CPNE1: variants seen among roughly 807,000 people sequenced by gnomAD.
CPNE1 encodes the protein copine-1.
A neutral mutation model predicts 63.2 loss-of-function variants in CPNE1; 58 were observed. The observed-to-expected ratio is 0.92, with a 90% CI of 0.74 to 1.14. The LOEUF (loss-of-function observed/expected upper bound fraction) is 1.14, where lower values mean the gene tolerates loss of function less well. CPNE1 is among the 50% of genes most tolerant of loss of function. The pLI is 0.00. For missense variants in CPNE1, 672 were observed against 661.7 expected, an observed-to-expected ratio of 1.02 and a Z score of -0.17; for synonymous variants, 237 against 249.0, an observed-to-expected ratio of 0.95 and a Z score of 0.45.
intron 1 of CPNE1, chr20:35,647,489 T>C (rs1044510092): frequency 1.3e-5 from 2 of 151,846 alleles, no homozygotes; most frequent in African/African-American, 4.8e-5. Context: ...TTCAAGGGAT[T>C]TGGTTGTGAT....
intron 1 of CPNE1, among the ~76,000 whole-genome samples, chr20:35,638,161 A>G (rs2032595247): frequency 6.6e-6 from 1 of 152,192 alleles, no homozygotes; most frequent in African/African-American, 2.4e-5. Flanking sequence ...CTTAGTATAT[A>G]GCTGGTACTA....
intron 1 of CPNE1, among the ~76,000 whole-genome samples, chr20:35,659,803 A>G (rs180702569): frequency 3.3e-5 from 5 of 152,370 alleles, no homozygotes; most frequent in Admixed American, 3.3e-4. Context: ...TCACAAGCAT[A>G]TATGACCAAA....
At chr20:35,630,665 A>C in intron 12 of CPNE1, 76 bp downstream of exon 12, 11 of 1,553,452 alleles carry the variant, frequency 7.1e-6, no homozygotes, top group Non-Finnish European at 9.8e-6. Flanking sequence ...GCCAAGTAGC[A>C]AGTAAATTTA....
chr20:35,654,631 G>A, intron 1 of CPNE1: 1 of 1,614,204 alleles, frequency 6.2e-7, no homozygotes, highest in Non-Finnish European at 8.5e-7. Context: ...GGGTGGCACA[G>A]AAGGAACTGG....
chr20:35,626,247 C>T lies in CPNE1; in HGVS notation c.1608G>A (p.Gln536=). The T allele has an allele frequency of 1.9e-6, 3 of 1,614,130 alleles. No individual in the cohort carries two copies. The highest frequency in any genetic ancestry group is 2.5e-6 in the Non-Finnish European group (3 of 1,180,014). Reference sequence around the variant, plus strand: ...CCACAGCCTCCAAGGGAACCTAGGCCTGGGGGGCCTGTGCAGGATCCTTGG... The same window carrying T: ...CCACAGCCTCCAAGGGAACCTAGGCTTGGGGGGCCTGTGCAGGATCCTTGG... ...PSAKDPAQAP[Q]A is the part of the protein sequence containing the mutation. The change falls in exon 16 of 16, where the codon CAG becomes CAA. Residue 536 remains glutamine, a synonymous_variant. Transcript: ENST00000397443.
At position 35,632,065 on chromosome 20, in the gene CPNE1, A is replaced by C. The variant is rs61191623; in HGVS notation, c.457-40T>G. On this transcript the variant is annotated intron_variant, in intron 5 of 15. Transcript: ENST00000397443. The stretch of plus-strand genomic sequence containing the variant: ...CCCCAGTTACAAGACTCAGGAACAA[A>C]CAACCATTATGCCATCCCTCTGTCC... 217,656 of 1,608,516 alleles carry C rather than the reference A, an allele frequency of 0.14. 15,218 individuals carry two copies. Among genetic ancestry groups the C allele is most frequent in the Middle Eastern group, 0.2 (1,220 of 6,054 alleles).
chr20:35,656,334 C>T (rs2033894989), intron 1 of CPNE1, among the ~76,000 whole-genome samples: 1 of 152,172 alleles, frequency 6.6e-6, no homozygotes, highest in East Asian at 1.9e-4. Context: ...TTAGATCATG[C>T]CTGTTTTGAC....
rs377481427 is a variant in CPNE1, at chr20:35,631,518, T to C, written c.688A>G (p.Ser230Gly). 1 of 1,613,962 alleles carries C rather than the reference T, an allele frequency of 6.2e-7. No individual in the cohort carries two copies. Among genetic ancestry groups the C allele is most frequent in the African/African-American group, 1.3e-5 (1 of 74,878 alleles). ...GGGACTGCCTGCAGCTGGGCCAAGC[T>C]GGTGTGGAAGGTACCGATGAGATCA... is the stretch of plus-strand genomic sequence containing the variant. The part of the protein sequence containing the change: ...SHDLIGTFHT[S>G]LAQLQAVPAE... Residue 230 changes from serine (S) to glycine (G), a missense_variant, in exon 8 of 16, where the codon AGC (serine) becomes GGC (glycine). Physicochemically the swap from Ser to Gly is moderately conservative, Grantham distance 56 (BLOSUM62 0). Transcript: ENST00000397443.
chr20:35,633,571 T>G (rs1881821663), intron 1 of CPNE1, among the ~76,000 whole-genome samples: 1 of 152,186 alleles, frequency 6.6e-6, no homozygotes, highest in South Asian at 2.1e-4. Context: ...TCAACTGGTC[T>G]CCCTTATTCT....
chr20:35,630,818 G>A (rs767787725), intron 11 of CPNE1, 23 bp from the exon 12 acceptor site: 56 of 1,610,404 alleles, frequency 3.5e-5, no homozygotes, highest in Non-Finnish European at 1.7e-6. Context: ...AGTGTATTGG[G>A]CAAAAGGCAG....
At chr20:35,648,853 T>C (rs945584194) in intron 1 of CPNE1, 5 of 152,540 alleles carry the variant, frequency 3.3e-5, no homozygotes, top group Admixed American at 6.5e-5. Flanking sequence ...GCACAAAATA[T>C]TTTCAGGTTT....
rs550935595 is a variant in CPNE1, at chr20:35,652,865, C to T, written c.-1+11895G>A. 6 of 1,612,148 alleles carry T rather than the reference C, an allele frequency of 3.7e-6. No homozygotes were observed. In the Admixed American group the frequency reaches 1.0e-4, roughly 27 times the overall value. On this transcript the variant is annotated intron_variant, in intron 1 of 15. Transcript: ENST00000397443. ...CCAGGCCCAAAAGCTGGTGGCCCAC[C>T]CAAATGCCCAGGGGCACTTCCAAGA...
intron 1 of CPNE1, chr20:35,653,410 C>G (rs576704593): frequency 1.3e-5 from 21 of 1,613,994 alleles, no homozygotes; most frequent in Non-Finnish European, 1.7e-5. Context: ...CATCTTTAAT[C>G]CCTTTTTTCC....
intron 1 of CPNE1, chr20:35,654,823 C>G (rs377638971): frequency 2.8e-5 from 46 of 1,614,058 alleles, no homozygotes; most frequent in Non-Finnish European, 3.5e-5. Context: ...CGTTGGGCTC[C>G]CAAAGGAAGC....
At chr20:35,626,963 G>A (rs989650570) in intron 14 of CPNE1, 160 bp from the exon 15 acceptor site, 16 of 683,488 alleles carry the variant, frequency 2.3e-5, no homozygotes, top group African/African-American at 1.9e-4. Context: ...TAAGGCAGGC[G>A]GATCACTTGA....
At chr20:35,660,341 T>C (rs2034164275) in intron 1 of CPNE1, among the ~76,000 whole-genome samples, 1 of 152,000 alleles carries the variant, frequency 6.6e-6, no homozygotes, top group Non-Finnish European at 1.5e-5. Flanking sequence ...GCCTCTGGAG[T>C]AGCTGGGACT....
intron 1 of CPNE1, chr20:35,653,244 G>A: frequency 6.2e-7 from 1 of 1,613,586 alleles, no homozygotes; most frequent in Non-Finnish European, 8.5e-7. Context: ...TTCCTGCACT[G>A]GGCATTCCCG....
intron 8 of CPNE1, 57 bp from the exon 9 acceptor site, chr20:35,631,411 G>A (rs1024568261): frequency 1.1e-5 from 17 of 1,602,870 alleles, no homozygotes; most frequent in African/African-American, 2.7e-5. Flanking sequence ...TCAAGGACTC[G>A]AGCTGCCTTC....
chr20:35,626,625 G>C lies in CPNE1; in HGVS notation c.1415C>G (p.Ser472Cys). 1 of 1,614,194 alleles carries C rather than the reference G, an allele frequency of 6.2e-7. No homozygotes were observed. The highest frequency in any genetic ancestry group is 8.5e-7 in the Non-Finnish European group (1 of 1,180,046). Residue 472 changes from serine (S) to cysteine (C), a missense_variant, in exon 15 of 16, where the codon TCT becomes TGT. Ser to Cys is a moderately radical substitution (Grantham distance 112). Coordinates refer to ENST00000397443, the MANE Select transcript of CPNE1 (RefSeq NM_152925.3). The stretch of plus-strand genomic sequence containing the variant: ...AATGTCGCGGGCAGCAGCCTGCCCA[G>C]AACGTGTATGCAGGGGTCCACCATC... ...DADGGPLHTR[S>C]GQAAARDIVQ...
Sources: gnomAD v4.1 joint callset for allele counts (sites outside exome capture counted in the v4.1 genomes callset) on GRCh38, gnomAD v4.1.1 for gene constraint, MANE v1.5 for transcripts, NCBI Gene and HGNC (gene_info 2026-07-23, HGNC 2026-07-21) for gene names.